The following SLC22A16 variants were observed in gnomAD, a reference collection of about 807,000 sequenced individuals.
SLC22A16 encodes the protein solute carrier family 22 member 16, also known as WUGSC:RG331P03.1.
Under a neutral mutation model 52.9 loss-of-function variants are expected in SLC22A16, and 53 were observed. The ratio of observed to expected loss-of-function variants is 1.00; its 90% CI spans 0.80 to 1.26. The LOEUF is 1.26. Among genes scored for constraint, SLC22A16 ranks in the 50% most tolerant of loss-of-function variants. SLC22A16 has a pLI of 0.00. For synonymous variants in SLC22A16, 291 were observed against 268.8 expected (o/e 1.08, Z -0.81); for missense variants, 726 against 704.0 (o/e 1.03, Z -0.35).
At position 110,424,913 on chromosome 6, in the gene SLC22A16, G is replaced by T; in HGVS notation, c.1694C>A (p.Thr565Lys). 1 of 1,614,048 alleles carries T rather than the reference G, an allele frequency of 6.2e-7. No individual in the cohort carries two copies. The highest frequency in any genetic ancestry group is 8.5e-7 in the Non-Finnish European group (1 of 1,179,994). ...AGAATCCCTGGGGGTAATCGCTTCC[G>T]TTTTTTCCAGCCCACTATTATTAGT... Reference protein sequence around the residue: ...LTTNNSGLEKTEAITPRDSGL... With the variant: ...LTTNNSGLEKKEAITPRDSGL... Residue 565 changes from threonine to lysine, a missense_variant, in exon 8 of 8, where the codon ACG (threonine) becomes AAG (lysine). Transcript: ENST00000368919.
intron 2 of SLC22A16, among the ~76,000 whole-genome samples, chr6:110,449,424 T>C (rs1331443032): frequency 6.6e-6 from 1 of 152,118 alleles, no homozygotes; most frequent in Non-Finnish European, 1.5e-5. Context: ...CCCCAGTTGC[T>C]CTTCTCTGCT....
intron 1 of SLC22A16, among the ~76,000 whole-genome samples, chr6:110,460,480 TA>T (rs1775826587): frequency 6.6e-6 from 1 of 151,772 alleles, no homozygotes; most frequent in African/African-American, 2.4e-5. Context: ...AAAGGGTGGA[TA>T]GGGGTGCATC....
chr6:110,438,007 T>G (rs1052154161), intron 5 of SLC22A16, among the ~76,000 whole-genome samples: 6 of 152,208 alleles, frequency 3.9e-5, no homozygotes, highest in Non-Finnish European at 7.3e-5. Context: ...GATGTCTCCA[T>G]GGCTGCCTCC....
rs529903178 is a variant in SLC22A16, at chr6:110,475,639, A to C, written c.53+883T>G. ...TTCTGGATAGGAAACTGACACACAA[A>C]GTATCTCCAGAATCATATCAGAGGT... On this transcript the variant is annotated intron_variant, in intron 1 of 7. Coordinates refer to ENST00000368919, the MANE Select transcript of SLC22A16 (RefSeq NM_033125.4). Among the ~76,000 whole-genome samples, 6 of 152,258 alleles carry C rather than the reference A, an allele frequency of 3.9e-5. No homozygotes were observed. The East Asian group carries it at 1.2e-3, about 30-fold the overall frequency.
Position 110,442,311 on chromosome 6 carries a change from T to C in SLC22A16, c.1116A>G (p.Gly372=). The change falls in exon 4 of 8, where the codon GGA becomes GGG. Residue 372 remains glycine, a synonymous_variant. Transcript: ENST00000368919. The part of the protein sequence containing the change: ...VWLIWFTGSL[G]FYSFSLNSVN... ...CAGAATTCAAGGAAAACGAGTAGAATCCCAAACTTCCAGTGAACCAGATTA... is the reference window on the plus strand; with the variant it reads ...CAGAATTCAAGGAAAACGAGTAGAACCCCAAACTTCCAGTGAACCAGATTA... 1.2e-6 allele frequency: 2 copies of C among 1,614,138 alleles called. No homozygotes were observed. Among genetic ancestry groups the C allele is most frequent in the Non-Finnish European group, 1.7e-6 (2 of 1,180,022 alleles).
intron 2 of SLC22A16, among the ~76,000 whole-genome samples, chr6:110,454,570 T>C (rs1478005174): frequency 9.2e-6 from 1 of 108,718 alleles, no homozygotes; most frequent in East Asian, 2.3e-4. Context: ...ATATATTATA[T>C]ATAATATTTA....
chr6:110,460,386 C>T (rs748926109), intron 1 of SLC22A16, among the ~76,000 whole-genome samples: 5 of 152,226 alleles, frequency 3.3e-5, no homozygotes, highest in South Asian at 4.2e-4. Context: ...GCCAGGGAGC[C>T]CACAGGAAGA....
At chr6:110,434,361 G>A (rs1774630877) in intron 6 of SLC22A16, among the ~76,000 whole-genome samples, 1 of 152,110 alleles carries the variant, frequency 6.6e-6, no homozygotes, top group Non-Finnish European at 1.5e-5. Flanking sequence ...TGTCTTATCT[G>A]GACATGAGGG....
chr6:110,441,789 AGTTCTCATG>A (rs1279304014), intron 4 of SLC22A16, among the ~76,000 whole-genome samples: 4 of 152,176 alleles, frequency 2.6e-5, no homozygotes, highest in African/African-American at 9.6e-5. Flanking sequence ...CCACCTTAAC[AGTTCTCATG>A]GTGGCTCATT....
chr6:110,457,585 A>T (rs1775713307), intron 1 of SLC22A16, among the ~76,000 whole-genome samples: 1 of 152,242 alleles, frequency 6.6e-6, no homozygotes, highest in Non-Finnish European at 1.5e-5. Context: ...ATATATAAGT[A>T]TCACCAATCA....
intron 6 of SLC22A16, among the ~76,000 whole-genome samples, chr6:110,433,837 C>T (rs151173581): frequency 5.9e-5 from 9 of 152,238 alleles, no homozygotes; most frequent in Non-Finnish European, 8.8e-5. Context: ...GAAACTATTA[C>T]GGAATTTCAC....
Position 110,442,464 on chromosome 6 carries a change from T to A in SLC22A16, c.963A>T (p.Lys321Asn). The stretch of plus-strand genomic sequence containing the variant: ...GGTCCAGTGATAAAAGTTCTGACAG[T>A]TTACAGGAGCTTGCCCTGTTCCACT... ...MAKWNRASSC[K>N]LSELLSLDLQ... is the part of the protein sequence containing the mutation. Residue 321 changes from lysine (K) to asparagine (N), a missense_variant, in exon 4 of 8, where the codon AAA becomes AAT. Coordinates refer to ENST00000368919, the MANE Select transcript of SLC22A16 (RefSeq NM_033125.4). 1 of 1,614,228 alleles carries A rather than the reference T, an allele frequency of 6.2e-7. No individual in the cohort carries two copies. The highest frequency in any genetic ancestry group is 8.5e-7 in the Non-Finnish European group (1 of 1,180,044).
In SLC22A16 at chr6:110,442,484, T is replaced by C; in HGVS notation, c.943A>G (p.Asn315Asp). The C allele has an allele frequency of 6.2e-7, 1 of 1,614,230 alleles. No homozygotes were observed. The highest frequency in any genetic ancestry group is 8.5e-7 in the Non-Finnish European group (1 of 1,180,038). The change falls in exon 4 of 8, where the codon AAC (asparagine) becomes GAC (aspartate). Residue 315 changes from asparagine (N) to aspartate (D), a missense_variant. By Grantham distance (23) the Asn-to-Asp change is conservative. Transcript: ENST00000368919. Reference sequence around the variant, plus strand: ...GACAGTTTACAGGAGCTTGCCCTGTTCCACTTGGCCATGATGTCAACTATT... The same window carrying C: ...GACAGTTTACAGGAGCTTGCCCTGTCCCACTTGGCCATGATGTCAACTATT... ...QKIVDIMAKW[N>D]RASSCKLSEL...
At chr6:110,442,193 T>C (rs749391566) in intron 4 of SLC22A16, 51 bp downstream of exon 4, 3 of 1,538,820 alleles carry the variant, frequency 1.9e-6, no homozygotes, top group Non-Finnish European at 2.6e-6. Flanking sequence ...CACACACAAA[T>C]GGTAGAAATC....
chr6:110,432,537 A>T (rs2114897673), intron 6 of SLC22A16, among the ~76,000 whole-genome samples: 1 of 152,262 alleles, frequency 6.6e-6, no homozygotes, highest in Middle Eastern at 3.4e-3. Flanking sequence ...GAAAATCTGA[A>T]GCTTTTCCTG....
rs754193747 is a variant in SLC22A16, at chr6:110,456,737, A to G, written c.334T>C (p.Leu112=). ...SRNKRENTSS[L]GYEYTGSKKE... ...TTACTGCCAGTGTATTCATAGCCCA[A>G]ACTCGATGTGTTCTCCCTCTTATTC... Residue 112 remains leucine, a synonymous_variant, in exon 2 of 8, where the codon TTG becomes CTG. Coordinates refer to ENST00000368919, the MANE Select transcript of SLC22A16 (RefSeq NM_033125.4). 1.2e-5 allele frequency: 19 copies of G among 1,613,968 alleles called. No individual in the cohort carries two copies. Among genetic ancestry groups the G allele is most frequent in the Non-Finnish European group, 1.4e-5 (17 of 1,180,018 alleles).
At chr6:110,437,742 A>G (rs1409624130) in intron 5 of SLC22A16, among the ~76,000 whole-genome samples, 1 of 152,176 alleles carries the variant, frequency 6.6e-6, no homozygotes, top group African/African-American at 2.4e-5. Context: ...ACAGATCTGA[A>G]AACATCTTTT....
intron 2 of SLC22A16, among the ~76,000 whole-genome samples, chr6:110,453,291 G>A (rs2428165): frequency 0.97 from 148,212 of 152,278 alleles, 72,182 homozygotes; most frequent in Middle Eastern, 0.99. Flanking sequence ...TCTGCTGCCA[G>A]TTGTTTCTGT....
intron 6 of SLC22A16, among the ~76,000 whole-genome samples, chr6:110,432,805 T>C (rs1456566789): frequency 6.6e-6 from 1 of 152,182 alleles, no homozygotes; most frequent in African/African-American, 2.4e-5. Flanking sequence ...ACTTTCACAA[T>C]ATGATCTGAG....
Sources: allele counts gnomAD v4.1 joint callset (sites outside exome capture counted in the v4.1 genomes callset), GRCh38; gene constraint gnomAD v4.1.1; transcripts MANE v1.5; gene names NCBI Gene and HGNC (gene_info 2026-07-23, HGNC 2026-07-21).